The following SKAP1 variants were observed in gnomAD, a reference collection of about 807,000 sequenced individuals.
The protein encoded by SKAP1 is src kinase associated phosphoprotein 1.
A neutral mutation model predicts 58.5 loss-of-function variants in SKAP1; 44 were observed. The ratio of observed to expected loss-of-function variants is 0.75; its 90% CI spans 0.59 to 0.97. The LOEUF (loss-of-function observed/expected upper bound fraction) is 0.97, where lower values mean the gene tolerates loss of function less well. SKAP1 is among the 50% of genes least tolerant of loss of function. SKAP1 has a pLI of 0.00. For synonymous variants in SKAP1, 127 were observed against 149.7 expected, an observed-to-expected ratio of 0.85 and a Z score of 1.11; for missense variants, 390 against 435.2, an observed-to-expected ratio of 0.90 and a Z score of 0.92.
intron 4 of SKAP1, among the ~76,000 whole-genome samples, chr17:48,235,711 C>A (rs1252055442): frequency 6.6e-6 from 1 of 152,162 alleles, no homozygotes; most frequent in African/African-American, 2.4e-5. Context: ...CCTCCCAACT[C>A]CAACTCACAG....
intron 4 of SKAP1, among the ~76,000 whole-genome samples, chr17:48,287,098 A>AAAAT (rs57589895): frequency 0.084 from 12,344 of 146,920 alleles, 760 homozygotes; most frequent in African/African-American, 0.19. Context: ...CTCCGTCTCA[A>AAAAT]AAATAAATAA....
At chr17:48,368,255 T>A (rs1466757079) in intron 2 of SKAP1, among the ~76,000 whole-genome samples, 1 of 152,200 alleles carries the variant, frequency 6.6e-6, no homozygotes, top group Non-Finnish European at 1.5e-5. Flanking sequence ...ATTCCCTGGG[T>A]GGCCTTCATC....
chr17:48,150,666 G>C (rs772278361), intron 11 of SKAP1, among the ~76,000 whole-genome samples: 3 of 152,232 alleles, frequency 2.0e-5, no homozygotes, highest in Non-Finnish European at 4.4e-5. Context: ...ATGTGAACAA[G>C]GAGATAGATG....
At chr17:48,219,024 A>C (rs1321073041) in intron 4 of SKAP1, among the ~76,000 whole-genome samples, 2 of 152,160 alleles carry the variant, frequency 1.3e-5, no homozygotes, top group African/African-American at 2.4e-5. Context: ...TAACAACCTA[A>C]TTTCCTATTA....
rs115359088 is a variant in SKAP1 at position 48,358,890 on chromosome 17, C to T, written c.178+4899G>A. Among the ~76,000 whole-genome samples, 734 of 152,054 alleles carry T rather than the reference C, an allele frequency of 4.8e-3. 4 individuals are homozygous for T. Among genetic ancestry groups the T allele is most frequent in the African/African-American group, 0.016 (684 of 41,476 alleles). On this transcript the variant is annotated intron_variant, in intron 3 of 12. Coordinates refer to ENST00000336915, the MANE Select transcript of SKAP1 (RefSeq NM_003726.4). Reference sequence around the variant, plus strand: ...AGCTTCGAGAATTGATGTAATTTGCCGTAGCTAACAAAGTTTCTAAGTAGA... The same window carrying T: ...AGCTTCGAGAATTGATGTAATTTGCTGTAGCTAACAAAGTTTCTAAGTAGA...
At chr17:48,286,762 C>G (rs768920957) in intron 4 of SKAP1, among the ~76,000 whole-genome samples, 1 of 152,186 alleles carries the variant, frequency 6.6e-6, no homozygotes, top group Non-Finnish European at 1.5e-5. Flanking sequence ...AGTTGCTTCC[C>G]CACTTTCTTA....
intron 11 of SKAP1, among the ~76,000 whole-genome samples, chr17:48,150,180 C>T (rs1368870759): frequency 3.9e-5 from 6 of 152,102 alleles, no homozygotes; most frequent in African/African-American, 1.2e-4. Context: ...GGCTGTGATC[C>T]GATGATGCCA....
the SKAP1 span, among the ~76,000 whole-genome samples, chr17:48,444,753 T>C: frequency 3.9e-5 from 6 of 152,206 alleles, no homozygotes; most frequent in Non-Finnish European, 7.3e-5. Flanking sequence ...CTGAGCAGGT[T>C]AGCTTTCTTT....
At chr17:48,209,455 A>G (rs2064846030) in intron 4 of SKAP1, among the ~76,000 whole-genome samples, 1 of 152,240 alleles carries the variant, frequency 6.6e-6, no homozygotes, top group African/African-American at 2.4e-5. Context: ...TAGAATCTTA[A>G]TTACCCCAGG....
At position 48,143,796 on chromosome 17, in the gene SKAP1, C is replaced by G. The variant is rs187447176; in HGVS notation, c.979-6459G>C. On this transcript the variant is annotated intron_variant, in intron 11 of 12. Transcript: ENST00000336915. Reference sequence around the variant, plus strand: ...TGCCAGATGCTGTCATCTGCATCACCTGCAGGGGACAGTAAGGCATTTGCT... The same window carrying G: ...TGCCAGATGCTGTCATCTGCATCACGTGCAGGGGACAGTAAGGCATTTGCT... Among the ~76,000 whole-genome samples, 145 of 152,320 alleles carry G rather than the reference C, an allele frequency of 9.5e-4. 1 individual carries two copies. The highest frequency in any genetic ancestry group is 2.8e-3 in the African/African-American group (115 of 41,584).
chr17:48,274,309 T>C (rs1185183877), intron 4 of SKAP1, among the ~76,000 whole-genome samples: 2 of 152,016 alleles, frequency 1.3e-5, no homozygotes, highest in East Asian at 3.9e-4. Flanking sequence ...GGTAGGAGGA[T>C]TGCTTGAGCC....
intron 4 of SKAP1, among the ~76,000 whole-genome samples, chr17:48,243,555 G>A (rs1162527367): frequency 2.0e-5 from 3 of 152,118 alleles, no homozygotes; most frequent in South Asian, 2.1e-4. Context: ...ATATCCATAC[G>A]AATAGTGCCA....
intron 4 of SKAP1, among the ~76,000 whole-genome samples, chr17:48,236,203 C>G (rs920775550): frequency 6.6e-6 from 1 of 152,140 alleles, no homozygotes; most frequent in Non-Finnish European, 1.5e-5. Flanking sequence ...ATACACTGAG[C>G]ACCTTCAAAG....
At chr17:48,293,515 T>C (rs553799085) in intron 4 of SKAP1, among the ~76,000 whole-genome samples, 3 of 152,212 alleles carry the variant, frequency 2.0e-5, no homozygotes, top group Non-Finnish European at 2.9e-5. Context: ...AGATATTCCT[T>C]GGATATCCCT....
intron 11 of SKAP1, among the ~76,000 whole-genome samples, chr17:48,146,565 C>G (rs1390328424): frequency 6.6e-6 from 1 of 151,774 alleles, no homozygotes; most frequent in Non-Finnish European, 1.5e-5. Flanking sequence ...GGCTTCAGCC[C>G]TCCAGCTGAA....
intron 2 of SKAP1, among the ~76,000 whole-genome samples, chr17:48,367,137 G>A (rs947166559): frequency 1.8e-4 from 28 of 152,024 alleles, no homozygotes; most frequent in Non-Finnish European, 2.5e-4. Flanking sequence ...CTTGTCAGTC[G>A]AGAAGAAATA....
intron 4 of SKAP1, among the ~76,000 whole-genome samples, chr17:48,220,133 T>C (rs1297371478): frequency 6.6e-6 from 1 of 152,164 alleles, no homozygotes; most frequent in East Asian, 1.9e-4. Flanking sequence ...TGGAAAAATG[T>C]TTGGTAGAAT....
At chr17:48,202,141 T>C (rs2064736346) in intron 4 of SKAP1, among the ~76,000 whole-genome samples, 1 of 152,220 alleles carries the variant, frequency 6.6e-6, no homozygotes. Context: ...AATCAAATGA[T>C]AATAATTTTG....
intron 11 of SKAP1, among the ~76,000 whole-genome samples, chr17:48,142,440 C>A (rs1004994863): frequency 6.6e-6 from 1 of 152,068 alleles, no homozygotes; most frequent in Non-Finnish European, 1.5e-5. Context: ...CCAGCCTGGG[C>A]AACAAGAGCG....
Sources: allele counts gnomAD v4.1 joint callset (sites outside exome capture counted in the v4.1 genomes callset), GRCh38; gene constraint gnomAD v4.1.1; transcripts MANE v1.5; gene names NCBI Gene and HGNC (gene_info 2026-07-23, HGNC 2026-07-21).